The following PDE1A variants were observed in gnomAD, a reference collection of about 807,000 sequenced individuals.
PDE1A encodes phosphodiesterase 1A.
PDE1A carries 35 observed loss-of-function variants against 61.7 expected under a neutral mutation model. The ratio of observed to expected loss-of-function variants is 0.57; its 90% CI spans 0.43 to 0.75. The LOEUF (loss-of-function observed/expected upper bound fraction) is 0.75. PDE1A is among the 30% of genes least tolerant of loss of function. The probability of loss-of-function intolerance (pLI) is 0.00; values close to 1 mark genes in which losing one functional copy is unlikely to be tolerated. For synonymous variants in PDE1A, 232 were observed against 213.2 expected (o/e 1.09, Z -0.77); for missense variants, 597 against 630.6 (o/e 0.95, Z 0.57).
intron 1 of PDE1A, among the ~76,000 whole-genome samples, chr2:182,343,096 C>T (rs1341087813): frequency 6.6e-6 from 1 of 152,044 alleles, no homozygotes; most frequent in Non-Finnish European, 1.5e-5. Flanking sequence ...ACAAATAGGC[C>T]CATAATACTC....
At chr2:182,141,909 T>C (rs1002594553) in exon 15 of PDE1A, 2 of 152,192 alleles carry the variant, frequency 1.3e-5, no homozygotes, top group African/African-American at 4.8e-5. Flanking sequence ...AACATCTAAT[T>C]GTGCTTGATC....
At chr2:182,469,115 G>T (rs1404160674) in intron 2 of PDE1A, among the ~76,000 whole-genome samples, 1 of 151,906 alleles carries the variant, frequency 6.6e-6, no homozygotes, top group Non-Finnish European at 1.5e-5. Context: ...ACCTTCATCA[G>T]CTCCTGACAG....
the PDE1A span, among the ~76,000 whole-genome samples, chr2:182,688,266 G>T: frequency 6.6e-6 from 1 of 152,100 alleles, no homozygotes; most frequent in Non-Finnish European, 1.5e-5. Flanking sequence ...AAACATTAAG[G>T]GGAGCCAGAG....
the PDE1A span, among the ~76,000 whole-genome samples, chr2:182,694,862 T>A: frequency 3.1e-3 from 469 of 150,016 alleles, 2 homozygotes; most frequent in African/African-American, 7.7e-3. Flanking sequence ...GTTTTTTTTT[T>A]AAAAAGACAA....
chr2:182,567,943 C>T, the PDE1A span, among the ~76,000 whole-genome samples: 2 of 151,892 alleles, frequency 1.3e-5, no homozygotes, highest in African/African-American at 4.8e-5. Flanking sequence ...GAGGCGCCCG[C>T]CACCACGCCC....
At chr2:182,646,431 T>A in the PDE1A span, among the ~76,000 whole-genome samples, 1 of 146,010 alleles carries the variant, frequency 6.8e-6, no homozygotes, top group African/African-American at 2.5e-5. Flanking sequence ...GGCTCACACC[T>A]GTAATCCCAG....
intron 2 of PDE1A, among the ~76,000 whole-genome samples, chr2:182,508,732 T>C (rs565377967): frequency 1.3e-5 from 2 of 148,456 alleles, no homozygotes; most frequent in Non-Finnish European, 3.0e-5. Context: ...AAATTTCTTT[T>C]TTTTTTTATT....
intron 1 of PDE1A, among the ~76,000 whole-genome samples, chr2:182,335,101 T>A (rs1697705343): frequency 6.6e-6 from 1 of 151,140 alleles, no homozygotes; most frequent in South Asian, 2.1e-4. Context: ...GGAGAACTGC[T>A]CAAGAAAATA....
intron 7 of PDE1A, among the ~76,000 whole-genome samples, chr2:182,212,077 G>A (rs1269587901): frequency 6.6e-6 from 1 of 151,984 alleles, no homozygotes; most frequent in African/African-American, 2.4e-5. Context: ...ATCTTCCCTT[G>A]TTCACAATCT....
the PDE1A span, among the ~76,000 whole-genome samples, chr2:182,624,124 C>A: frequency 0.015 from 1,638 of 108,950 alleles, no homozygotes; most frequent in African/African-American, 0.017. Flanking sequence ...GACTCCGTCT[C>A]AAAAAAAAAA....
intron 8 of PDE1A, among the ~76,000 whole-genome samples, chr2:182,203,691 T>G (rs1686862662): frequency 6.6e-6 from 1 of 152,012 alleles, no homozygotes; most frequent in African/African-American, 2.4e-5. Context: ...TTAGGCAAAA[T>G]AAGAAAACAT....
At chr2:182,468,292 TTAAC>T (rs570713649) in intron 2 of PDE1A, among the ~76,000 whole-genome samples, 221 of 152,140 alleles carry the variant, frequency 1.5e-3, no homozygotes, top group South Asian at 5.0e-3. Context: ...CATTGCTTTC[TTAAC>T]TAAGTTTATG....
chr2:182,522,514 G>A (rs1043033265), intron 1 of PDE1A: 2 of 1,471,062 alleles, frequency 1.4e-6, no homozygotes, highest in African/African-American at 1.4e-5. Context: ...CAAAGCTGAG[G>A]GAAGACTCTG....
At chr2:182,196,371 T>G (rs1378613904) in intron 10 of PDE1A, among the ~76,000 whole-genome samples, 3 of 151,952 alleles carry the variant, frequency 2.0e-5, no homozygotes, top group Non-Finnish European at 4.4e-5. Flanking sequence ...AATCGTGATA[T>G]TATTTGGAGA....
At chr2:182,358,018 C>G (rs950636877) in intron 1 of PDE1A, among the ~76,000 whole-genome samples, 1 of 152,182 alleles carries the variant, frequency 6.6e-6, no homozygotes, top group African/African-American at 2.4e-5. Flanking sequence ...GTTCTTGCCT[C>G]TAAGTGGATG....
chr2:182,477,783 G>A (rs575955583), intron 2 of PDE1A, among the ~76,000 whole-genome samples: 4 of 151,972 alleles, frequency 2.6e-5, no homozygotes, highest in South Asian at 4.1e-4. Context: ...AACGACACAC[G>A]AACTCACTCA....
At chr2:182,343,162 T>C (rs1485813480) in intron 1 of PDE1A, among the ~76,000 whole-genome samples, 5 of 152,110 alleles carry the variant, frequency 3.3e-5, no homozygotes, top group Admixed American at 1.3e-4. Context: ...AGAGTGTGCA[T>C]AATTCAATTT....
At chr2:182,527,327 AATATATATATATATAT>A (rs201755672), upstream of PDE1A, among the ~76,000 whole-genome samples, 392 of 20,740 alleles carry the variant, frequency 0.019, 63 homozygotes, top group East Asian at 0.061. Flanking sequence ...AAAAAAAAAA[AATATATATATATATAT>A]ATATATATAT....
intron 1 of PDE1A, among the ~76,000 whole-genome samples, chr2:182,333,829 C>G (rs972055620): frequency 1.3e-5 from 2 of 152,032 alleles, no homozygotes; most frequent in African/African-American, 2.4e-5. Context: ...AGACAGACCA[C>G]TAGCCAGACC....
Sources: gnomAD v4.1 joint callset for allele counts (sites outside exome capture counted in the v4.1 genomes callset) on GRCh38, gnomAD v4.1.1 for gene constraint, MANE v1.5 for transcripts, NCBI Gene and HGNC (gene_info 2026-07-23, HGNC 2026-07-21) for gene names.